The following PPP4R2 variants were observed in gnomAD, a reference collection of about 807,000 sequenced individuals.
The protein encoded by PPP4R2 is serine/threonine-protein phosphatase 4 regulatory subunit 2.
In PPP4R2, 13 loss-of-function variants were observed where a neutral mutation model predicts 47.2. That is an observed-to-expected ratio of 0.28 (90% confidence interval 0.18 to 0.44). The LOEUF (loss-of-function observed/expected upper bound fraction) is 0.44, where lower values mean the gene tolerates loss of function less well. PPP4R2 is among the 20% of genes least tolerant of loss of function. The pLI is 1.00. For missense variants in PPP4R2, 421 were observed against 491.2 expected (o/e 0.86, Z 1.35); for synonymous variants, 151 against 163.3 (o/e 0.92, Z 0.57).
intron 3 of PPP4R2, among the ~76,000 whole-genome samples, chr3:73,051,470 T>C (rs1702610862): frequency 6.6e-6 from 1 of 152,218 alleles, no homozygotes; most frequent in Non-Finnish European, 1.5e-5. Context: ...TATATCTTCT[T>C]TTGACTTTCT....
At chr3:73,050,832 A>T (rs1174697809) in intron 3 of PPP4R2, among the ~76,000 whole-genome samples, 1 of 152,222 alleles carries the variant, frequency 6.6e-6, no homozygotes, top group Non-Finnish European at 1.5e-5. Flanking sequence ...GCTGTTAACA[A>T]GCAGTGCTTG....
chr3:73,020,021 C>T (rs1404686290), intron 2 of PPP4R2, among the ~76,000 whole-genome samples: 4 of 152,160 alleles, frequency 2.6e-5, no homozygotes, highest in African/African-American at 4.8e-5. Context: ...TCATATGTCA[C>T]GATTTCTTCA....
chr3:73,061,675 A>C lies in PPP4R2; in HGVS notation c.419+615A>C, dbSNP rs1188159384. The C allele has an allele frequency of 3.9e-5, 7 of 179,738 alleles. No homozygotes were observed. In the South Asian group the frequency reaches 8.9e-4, roughly 23 times the overall value. 11.1% of individuals were successfully genotyped at this position (179,738 alleles called of 1,614,324 possible). A position where few individuals can be genotyped will look rare whatever the true frequency, so the allele number is the denominator to read the frequency against. The stretch of plus-strand genomic sequence containing the variant: ...TGGAGATGTGAAAGGCAGGGAGGGG[A>C]GGTTGTCCCCTGCTGAGAACCATTG... On this transcript the variant is annotated intron_variant, in intron 5 of 8. Transcript: ENST00000356692.
At chr3:73,051,771 A>G (rs1575879996) in intron 3 of PPP4R2, among the ~76,000 whole-genome samples, 2 of 151,892 alleles carry the variant, frequency 1.3e-5, no homozygotes, top group East Asian at 1.9e-4. Flanking sequence ...GACTACAGGC[A>G]CCCGCCACCA....
At position 73,016,742 on chromosome 3, in the gene PPP4R2, A is replaced by AT. The variant is rs766495587; in HGVS notation, c.116+18596dup. The stretch of plus-strand genomic sequence containing the variant: ...TATTGGTTCATTGTTTATTTTTATT[A>AT]TTTTTTTTTTTTAATACAGAGTCTC... On this transcript the variant is annotated intron_variant, in intron 2 of 8. Transcript: ENST00000356692. 4.1e-3 allele frequency among the ~76,000 whole-genome samples: 377 copies of AT among 93,060 alleles called. 16 individuals are homozygous for AT. In the East Asian group the frequency reaches 0.066, roughly 16 times the overall value. 61.1% of individuals were successfully genotyped at this position (93,060 alleles called of 152,430 possible). A position where few individuals can be genotyped will look rare whatever the true frequency, so the allele number is the denominator to read the frequency against.
intron 2 of PPP4R2, among the ~76,000 whole-genome samples, chr3:73,001,521 C>T (rs1189063065): frequency 6.6e-6 from 1 of 152,204 alleles, no homozygotes; most frequent in Non-Finnish European, 1.5e-5. Flanking sequence ...CTGCAGTGAG[C>T]CGTGATTGTG....
chr3:73,027,316 C>T (rs1396113994), intron 2 of PPP4R2, among the ~76,000 whole-genome samples: 4 of 152,122 alleles, frequency 2.6e-5, no homozygotes, highest in African/African-American at 7.2e-5. Context: ...TTAGTAGAGA[C>T]GGGGTTTCAC....
chr3:73,013,522 T>TATCATTAGTGTTAGTGTTAG (rs1701766048), intron 2 of PPP4R2, among the ~76,000 whole-genome samples: 1 of 152,172 alleles, frequency 6.6e-6, no homozygotes, highest in African/African-American at 2.4e-5. Flanking sequence ...TACCTATTTC[T>TATCATTAGTGTTAGTGTTAG]TGTATATTCT....
chr3:73,044,125 T>C (rs1201516054), intron 2 of PPP4R2, among the ~76,000 whole-genome samples: 2 of 152,232 alleles, frequency 1.3e-5, no homozygotes, highest in Non-Finnish European at 2.9e-5. Flanking sequence ...ATTTTGCTTA[T>C]CCATTCATGT....
Position 73,004,905 on chromosome 3 carries a change from G to A in PPP4R2, c.116+6747G>A, listed in dbSNP as rs1482636574. On this transcript the variant is annotated intron_variant, in intron 2 of 8. Transcript: ENST00000356692. The stretch of plus-strand genomic sequence containing the variant: ...TGTTTGTGTGTGTGTGTTTTGAGTC[G>A]GAGTCATGTGTGTGTGTTTGTGTGT... Among the ~76,000 whole-genome samples the A allele has an allele frequency of 2.0e-4, 26 of 129,564 alleles. 1 individual carries two copies. Among genetic ancestry groups the A allele is most frequent in the East Asian group, 1.6e-3 (7 of 4,428 alleles). 85.0% of individuals were successfully genotyped at this position (129,564 alleles called of 152,430 possible).
At chr3:73,045,440 T>C (rs1055300500) in intron 2 of PPP4R2, among the ~76,000 whole-genome samples, 2 of 152,190 alleles carry the variant, frequency 1.3e-5, no homozygotes, top group African/African-American at 4.8e-5. Context: ...ATTTTTATCA[T>C]TGGTAACAAA....
intron 2 of PPP4R2, among the ~76,000 whole-genome samples, chr3:73,041,279 G>T (rs1702373779): frequency 6.6e-6 from 1 of 152,158 alleles, no homozygotes; most frequent in Non-Finnish European, 1.5e-5. Context: ...TAATGTAAAA[G>T]AATCTCTTGT....
In PPP4R2 at chr3:72,996,996, C is replaced by T. The variant is rs895623061; in HGVS notation, c.-42C>T. 2.2e-6 allele frequency: 3 copies of T among 1,347,374 alleles called. No individual in the cohort carries two copies. Among genetic ancestry groups the T allele is most frequent in the African/African-American group, 1.5e-5 (1 of 66,530 alleles). The allele number at this position is 1,347,374 out of a possible 1,614,324, so 83.5% of individuals were successfully genotyped here. A position where few individuals can be genotyped will look rare whatever the true frequency, so the allele number is the denominator to read the frequency against. On this transcript the variant is annotated 5_prime_UTR_variant, in exon 1 of 9. Coordinates refer to ENST00000356692, the MANE Select transcript of PPP4R2 (RefSeq NM_174907.4). ...GGGAGGCGTTCCGGTCCCCAAGAGA[C>T]CCGCGGAGGGAGGCGGAGGCTGTGA... is the stretch of plus-strand genomic sequence containing the variant.
At chr3:73,045,522 C>T (rs1251501768) in intron 2 of PPP4R2, among the ~76,000 whole-genome samples, 2 of 126,474 alleles carry the variant, frequency 1.6e-5, no homozygotes, top group East Asian at 2.5e-4. Flanking sequence ...ACCACATTCT[C>T]CTAATTTTTT....
chr3:73,032,936 C>A (rs1341895650), intron 2 of PPP4R2, among the ~76,000 whole-genome samples: 1 of 151,974 alleles, frequency 6.6e-6, no homozygotes, highest in Non-Finnish European at 1.5e-5. Context: ...CTTGTTGAGC[C>A]TTCTTAACTG....
rs141923198 is a variant in PPP4R2, at chr3:73,051,539, T to C, written c.287+4183T>C. On this transcript the variant is annotated intron_variant, in intron 3 of 8. Coordinates refer to ENST00000356692, the MANE Select transcript of PPP4R2 (RefSeq NM_174907.4). ...TTTTTGCTTTTAGTTTGTAAAAGTTTTATATTAAATGCTTCCTAGTATTTT... is the reference window on the plus strand; with the variant it reads ...TTTTTGCTTTTAGTTTGTAAAAGTTCTATATTAAATGCTTCCTAGTATTTT... Among the ~76,000 whole-genome samples, 4 of 152,344 alleles carry C rather than the reference T, an allele frequency of 2.6e-5. No individual in the cohort carries two copies. In the East Asian group the frequency reaches 7.7e-4, roughly 29 times the overall value.
chr3:73,060,021 G>C (rs187036998), intron 4 of PPP4R2, among the ~76,000 whole-genome samples: 2 of 151,988 alleles, frequency 1.3e-5, no homozygotes, highest in African/African-American at 4.8e-5. Context: ...GACTTGTCTT[G>C]AGTGAAAAAT....
At chr3:72,998,479 T>C (rs1701395933) in intron 2 of PPP4R2, among the ~76,000 whole-genome samples, 1 of 152,186 alleles carries the variant, frequency 6.6e-6, no homozygotes, top group African/African-American at 2.4e-5. Flanking sequence ...TTTTTGGCCA[T>C]AACAAATAGG....
Position 73,019,631 on chromosome 3 carries a change from C to T in PPP4R2, c.116+21473C>T, listed in dbSNP as rs1431124936. On this transcript the variant is annotated intron_variant, in intron 2 of 8. Coordinates refer to ENST00000356692, the MANE Select transcript of PPP4R2 (RefSeq NM_174907.4). ...TCAGATGATCTGCTCCCTTTGGCTTCCCAAAGTGCTGGGATTACAGGTGTG... is the reference window on the plus strand; with the variant it reads ...TCAGATGATCTGCTCCCTTTGGCTTTCCAAAGTGCTGGGATTACAGGTGTG... Among the ~76,000 whole-genome samples, 5 of 152,344 alleles carry T rather than the reference C, an allele frequency of 3.3e-5. No homozygotes were observed. The East Asian group carries it at 9.7e-4, about 29-fold the overall frequency.
Sources: allele counts gnomAD v4.1 joint callset (sites outside exome capture counted in the v4.1 genomes callset), GRCh38; gene constraint gnomAD v4.1.1; transcripts MANE v1.5; gene names NCBI Gene and HGNC (gene_info 2026-07-23, HGNC 2026-07-21).